The following CRYAB variants were observed in gnomAD, a reference collection of about 807,000 sequenced individuals.
CRYAB encodes alpha-crystallin B chain.
A neutral mutation model predicts 12.7 loss-of-function variants in CRYAB; 9 were observed. That is an observed-to-expected ratio of 0.71 (90% confidence interval 0.43 to 1.24). The LOEUF (loss-of-function observed/expected upper bound fraction) is 1.24. Ranked by LOEUF, CRYAB falls within the 50% of genes most tolerant of loss-of-function variation. The pLI is 0.00. For missense variants in CRYAB, 183 were observed against 226.6 expected, an observed-to-expected ratio of 0.81 and a Z score of 1.24; for synonymous variants, 93 against 86.8, an observed-to-expected ratio of 1.07 and a Z score of -0.40.
chr11:111,912,480 T>G, upstream of CRYAB: 1 of 378,020 alleles, frequency 2.6e-6, no homozygotes, highest in South Asian at 3.7e-5. Flanking sequence ...GTGCAAACCG[T>G]TTGTGAGGGT....
At chr11:111,913,982 C>A, upstream of CRYAB, 2 of 1,169,012 alleles carry the variant, frequency 1.7e-6, no homozygotes, top group Non-Finnish European at 2.4e-6. Flanking sequence ...GTAGCAGCAT[C>A]CTTGGGGGAA....
At chr11:111,923,453 G>A (rs373506358) in intron 1 of CRYAB, among the ~76,000 whole-genome samples, 1 of 152,220 alleles carries the variant, frequency 6.6e-6, no homozygotes, top group Non-Finnish European at 1.5e-5. Flanking sequence ...CCTCCCAGGA[G>A]ATGAGAGATC....
chr11:111,918,846 T>C, intron 1 of CRYAB: 1 of 1,114,444 alleles, frequency 9.0e-7, no homozygotes, highest in Non-Finnish European at 1.3e-6. Flanking sequence ...AAGTCCAACC[T>C]GCTAGGTTGA....
chr11:111,912,675 AG>A, upstream of CRYAB: 4 of 379,174 alleles, frequency 1.1e-5, no homozygotes, highest in Admixed American at 3.3e-5. Context: ...CCCCACTCCC[AG>A]CCCCTCCCCC....
At chr11:111,921,048 G>A (rs587772400) in intron 1 of CRYAB, among the ~76,000 whole-genome samples, 25 of 152,278 alleles carry the variant, frequency 1.6e-4, no homozygotes, top group South Asian at 1.5e-3. Context: ...CTGCCATGCC[G>A]TAAATTCCTG....
upstream of CRYAB, among the ~76,000 whole-genome samples, chr11:111,916,382 CACA>C (rs1186874052): frequency 2.6e-5 from 4 of 152,082 alleles, no homozygotes; most frequent in Admixed American, 1.3e-4. Context: ...AGGCATGCGC[CACA>C]ACACCTGGCT....
At position 111,911,608 on chromosome 11, in the gene CRYAB, C is replaced by T. The variant is rs782481381; in HGVS notation, c.117G>A (p.Pro39=). Residue 39 remains proline (P), a synonymous_variant, in exon 1 of 3, where the codon CCG becomes CCA. Transcript: ENST00000650687. ...GEHLLESDLF[P]TSTSLSPFYL... ...AGAAGGGACTCAGGGAAGTAGACGTCGGGAAAAGATCAGACTCCAACAGGT... is the reference window on the plus strand; with the variant it reads ...AGAAGGGACTCAGGGAAGTAGACGTTGGGAAAAGATCAGACTCCAACAGGT... 20 of 1,612,786 alleles carry T rather than the reference C, an allele frequency of 1.2e-5. No individual in the cohort carries two copies. The highest frequency in any genetic ancestry group is 1.2e-4 in the Admixed American group (7 of 59,822).
chr11:111,912,903 G>T (rs1555165770), upstream of CRYAB: 2 of 1,607,820 alleles, frequency 1.2e-6, no homozygotes, highest in Non-Finnish European at 1.7e-6. Context: ...AGCCGCCTGG[G>T]TGAGCAGCGC....
At chr11:111,920,659 G>C (rs1431167215) in intron 1 of CRYAB, among the ~76,000 whole-genome samples, 2 of 152,176 alleles carry the variant, frequency 1.3e-5, no homozygotes, top group African/African-American at 4.8e-5. Flanking sequence ...AGGTACTTGG[G>C]AGGCTGAGGC....
chr11:111,908,992 G>A (rs781894339), intron 2 of CRYAB, 25 bp from the exon 3 acceptor site: 2 of 1,612,844 alleles, frequency 1.2e-6, no homozygotes, highest in East Asian at 4.5e-5. Flanking sequence ...TGAGGAAAGA[G>A]GCAGAGAGAT....
At chr11:111,918,980 AC>A in intron 1 of CRYAB, 1 of 1,614,054 alleles carries the variant, frequency 6.2e-7, no homozygotes, top group Non-Finnish European at 8.5e-7. Flanking sequence ...GCCATGGGAA[AC>A]CGGGTCTGCT....
At chr11:111,916,478 C>G (rs1431817086), upstream of CRYAB, among the ~76,000 whole-genome samples, 1 of 152,202 alleles carries the variant, frequency 6.6e-6, no homozygotes, top group Non-Finnish European at 1.5e-5. Flanking sequence ...CCACCTCGGC[C>G]TCCCAACACA....
chr11:111,922,691 C>G (rs981434227), intron 1 of CRYAB, among the ~76,000 whole-genome samples: 3 of 152,158 alleles, frequency 2.0e-5, no homozygotes, highest in Non-Finnish European at 2.9e-5. Flanking sequence ...TTTCTTTAGT[C>G]AGTTACCAAA....
In CRYAB at chr11:111,911,616, G is replaced by T; in HGVS notation, c.109C>A (p.Leu37Ile). 6.2e-7 allele frequency: 1 copy of T among 1,613,032 alleles called. No individual in the cohort carries two copies. The highest frequency in any genetic ancestry group is 8.5e-7 in the Non-Finnish European group (1 of 1,179,694). Residue 37 changes from leucine (L) to isoleucine (I), a missense_variant, in exon 1 of 3, where the codon CTT (leucine) becomes ATT (isoleucine). This residue lies in a region of CRYAB where 86 missense variants were observed against 96.1 expected (regional missense o/e 0.89). Transcript: ENST00000650687. Reference sequence around the variant, plus strand: ...CTCAGGGAAGTAGACGTCGGGAAAAGATCAGACTCCAACAGGTGCTCTCCG... The same window carrying T: ...CTCAGGGAAGTAGACGTCGGGAAAATATCAGACTCCAACAGGTGCTCTCCG... ...FFGEHLLESD[L>I]FPTSTSLSPF...
chr11:111,912,785 G>C, upstream of CRYAB: 1 of 1,500,188 alleles, frequency 6.7e-7, no homozygotes, highest in Non-Finnish European at 9.1e-7. Context: ...CGCTGCGCCT[G>C]TTGGGGCTGC....
At chr11:111,912,724 C>A, upstream of CRYAB, 1 of 818,904 alleles carries the variant, frequency 1.2e-6, no homozygotes, top group Non-Finnish European at 2.0e-6. Context: ...GGTGTCGACC[C>A]CGCCCCCACC....
intron 1 of CRYAB, chr11:111,923,614 C>A (rs1555166707): frequency 6.6e-6 from 1 of 152,222 alleles, no homozygotes; most frequent in South Asian, 2.1e-4. Context: ...ATCACGTAGA[C>A]ACACGGGCGC....
chr11:111,909,135 CT>C (rs1376610620), intron 2 of CRYAB, 168 bp from the exon 3 acceptor site: 6 of 718,588 alleles, frequency 8.3e-6, no homozygotes, highest in Non-Finnish European at 1.5e-5. Flanking sequence ...ATGAAATTGC[CT>C]AGGTAGTCAC....
At chr11:111,920,235 T>C (rs1965669818) in intron 1 of CRYAB, among the ~76,000 whole-genome samples, 1 of 151,448 alleles carries the variant, frequency 6.6e-6, no homozygotes, top group Non-Finnish European at 1.5e-5. Flanking sequence ...TAAAATAAAA[T>C]AAATTAAAGG....
Sources: gnomAD v4.1 joint callset for allele counts (sites outside exome capture counted in the v4.1 genomes callset) on GRCh38, gnomAD v4.1.1 for gene constraint, gnomAD v4.1.1 regional missense constraint, MANE v1.5 for transcripts, NCBI Gene and HGNC (gene_info 2026-07-23, HGNC 2026-07-21) for gene names.